MYCBP2: variants seen among roughly 807,000 people sequenced by gnomAD.
MYCBP2 encodes the protein MYC binding protein 2.
MYCBP2 carries 120 observed loss-of-function variants against 525.3 expected under a neutral mutation model. The ratio of observed to expected loss-of-function variants is 0.23; its 90% CI spans 0.20 to 0.27. MYCBP2 has a LOEUF of 0.27. MYCBP2 is among the 10% of genes least tolerant of loss of function. MYCBP2 has a pLI of 1.00. For missense variants in MYCBP2, 4,149 were observed against 5,657.1 expected, an observed-to-expected ratio of 0.73 and a Z score of 8.55; for synonymous variants, 1,894 against 1,955.8, an observed-to-expected ratio of 0.97 and a Z score of 0.83.
chr13:77,312,166 A>T (rs545075320), intron 1 of MYCBP2, among the ~76,000 whole-genome samples: 2 of 152,116 alleles, frequency 1.3e-5, no homozygotes, highest in Non-Finnish European at 2.9e-5. Flanking sequence ...TAGGAATGAA[A>T]GTAAAATAAA....
chr13:77,200,290 C>G (rs1184389050), intron 26 of MYCBP2, among the ~76,000 whole-genome samples: 3 of 152,064 alleles, frequency 2.0e-5, no homozygotes, highest in African/African-American at 7.2e-5. Flanking sequence ...GAAAGGGTAT[C>G]AGCGATGGAA....
chr13:77,198,571 A>G (rs1327059830), intron 26 of MYCBP2, among the ~76,000 whole-genome samples: 1 of 152,224 alleles, frequency 6.6e-6, no homozygotes, highest in African/African-American at 2.4e-5. Flanking sequence ...TTAGAGCAAA[A>G]TCAGGTAATT....
At chr13:77,260,397 T>C (rs746469200) in intron 13 of MYCBP2, 31 bp downstream of exon 13, 1 of 1,494,120 alleles carries the variant, frequency 6.7e-7, no homozygotes, top group Admixed American at 2.4e-5. Context: ...GAAACTTCTT[T>C]GCATAAAAGT....
chr13:77,059,416 C>A, intron 77 of MYCBP2, 107 bp downstream of exon 77: 1 of 827,618 alleles, frequency 1.2e-6, no homozygotes, highest in South Asian at 1.5e-5. Context: ...GTAATACACT[C>A]ATTTAGGAAG....
At chr13:77,160,065 CTTTTTT>C (rs34051925) in intron 44 of MYCBP2, among the ~76,000 whole-genome samples, 1 of 136,248 alleles carries the variant, frequency 7.3e-6, no homozygotes, top group Non-Finnish European at 1.6e-5. Flanking sequence ...AAATCACAAA[CTTTTTT>C]TTTTTTTTTT....
At chr13:77,071,258 CGT>C (rs1181107926) in intron 68 of MYCBP2, among the ~76,000 whole-genome samples, 12 of 135,212 alleles carry the variant, frequency 8.9e-5, no homozygotes, top group African/African-American at 3.3e-4. Flanking sequence ...TATGCATGCA[CGT>C]GTGTGCACAC....
intron 5 of MYCBP2, among the ~76,000 whole-genome samples, chr13:77,271,574 G>C (rs946941504): frequency 1.3e-5 from 2 of 152,118 alleles, no homozygotes; most frequent in African/African-American, 4.8e-5. Context: ...CTGGATCATG[G>C]GGGCAAGTCT....
At chr13:77,271,363 C>T (rs923349698) in intron 5 of MYCBP2, among the ~76,000 whole-genome samples, 4 of 152,152 alleles carry the variant, frequency 2.6e-5, no homozygotes, top group African/African-American at 9.7e-5. Flanking sequence ...TCTTTCAATA[C>T]AGCATCTTGC....
At chr13:77,071,960 C>T (rs1462997023) in intron 68 of MYCBP2, among the ~76,000 whole-genome samples, 1 of 151,980 alleles carries the variant, frequency 6.6e-6, no homozygotes, top group Non-Finnish European at 1.5e-5. Context: ...GGGAATTAAA[C>T]AAGGTGCTTC....
chr13:77,061,159 A>C lies in MYCBP2; in HGVS notation c.13036+10T>G, dbSNP rs1203599315. 1 of 1,598,990 alleles carries C rather than the reference A, an allele frequency of 6.3e-7. No individual in the cohort carries two copies. The highest frequency in any genetic ancestry group is 1.4e-5 in the African/African-American group (1 of 73,872). On this transcript the variant is annotated intron_variant, in intron 76 of 82. Coordinates refer to ENST00000544440, the MANE Select transcript of MYCBP2 (RefSeq NM_015057.5). ...TTTTAAAGGCATGGCTCAATCTTTA[A>C]ACCTTTTACCTGTGTGTTCTCGGAA...
At position 77,288,300 on chromosome 13, in the gene MYCBP2, C is replaced by T; in HGVS notation, c.455G>A (p.Cys152Tyr). The T allele has an allele frequency of 1.9e-6, 3 of 1,614,106 alleles. No individual in the cohort carries two copies. Among genetic ancestry groups the T allele is most frequent in the Non-Finnish European group, 2.5e-6 (3 of 1,179,996 alleles). The change falls in exon 3 of 83, where the codon TGT (cysteine) becomes TAT (tyrosine). Residue 152 changes from cysteine to tyrosine, a missense_variant. Transcript: ENST00000544440. ...HSNPSAFNIY[C>Y]NVRHCVLEWQ... ...TTCCAGAACGCAATGGCGTACATTA[C>T]AGTAAATATTGAAAGCAGAAGGATT...
chr13:77,109,652 T>C (rs1178976008), intron 55 of MYCBP2: 1 of 152,210 alleles, frequency 6.6e-6, no homozygotes, highest in Non-Finnish European at 1.5e-5. Context: ...TTGCAGTCTA[T>C]GTAAGATAAC....
chr13:77,073,760 AAT>A (rs2041800989), intron 68 of MYCBP2, among the ~76,000 whole-genome samples: 1 of 152,202 alleles, frequency 6.6e-6, no homozygotes, highest in African/African-American at 2.4e-5. Flanking sequence ...TGGAAAGTGA[AAT>A]AAAAAATACC....
chr13:77,068,644 T>C lies in MYCBP2; in HGVS notation c.12092A>G (p.Gln4031Arg). The C allele has an allele frequency of 6.2e-7, 1 of 1,614,178 alleles. No individual in the cohort carries two copies. The highest frequency in any genetic ancestry group is 8.5e-7 in the Non-Finnish European group (1 of 1,180,038). ...LALSGSNVGR[Q>R]YLAQQLTLLQ... ...CAGGGTTAGCTGTTGAGCCAGATAT[T>C]GCCGGCCAACGTTAGAGCCACTCAG... The change falls in exon 70 of 83, where the codon CAA becomes CGA. Residue 4031 changes from glutamine (Q) to arginine (R), a missense_variant. Gln to Arg is a conservative substitution (Grantham distance 43). Coordinates refer to ENST00000544440, the MANE Select transcript of MYCBP2 (RefSeq NM_015057.5).
chr13:77,189,895 C>T (rs2061132016), intron 29 of MYCBP2, among the ~76,000 whole-genome samples: 1 of 152,014 alleles, frequency 6.6e-6, no homozygotes. Flanking sequence ...TATAGTCCTC[C>T]CCATCTTCCC....
chr13:77,180,004 T>C (rs926986376), intron 34 of MYCBP2, 123 bp downstream of exon 34: 6 of 662,250 alleles, frequency 9.1e-6, no homozygotes, highest in East Asian at 2.8e-5. Context: ...AGAAAAACAA[T>C]GCATTGGGGT....
chr13:77,270,551 G>C lies in MYCBP2; in HGVS notation c.946-13C>G. The C allele has an allele frequency of 6.4e-7, 1 of 1,571,684 alleles. No homozygotes were observed. On this transcript the variant is annotated splice_polypyrimidine_tract_variant and intron_variant, in intron 5 of 82. Transcript: ENST00000544440. Reference sequence around the variant, plus strand: ...GAATTGTTGGCACCTAATCAAAAGAGAAGAAAAATAATGAAAAAACATTTT... The same window carrying C: ...GAATTGTTGGCACCTAATCAAAAGACAAGAAAAATAATGAAAAAACATTTT...
chr13:77,258,981 G>A (rs1346438324), intron 13 of MYCBP2, among the ~76,000 whole-genome samples: 1 of 152,160 alleles, frequency 6.6e-6, no homozygotes, highest in East Asian at 1.9e-4. Context: ...AGGGCCATGC[G>A]CGGTGGCTCA....
intron 29 of MYCBP2, 117 bp from the exon 30 acceptor site, chr13:77,189,164 C>T: frequency 1.6e-6 from 1 of 620,280 alleles, no homozygotes; most frequent in Non-Finnish European, 2.4e-6. Context: ...AATTTTTTTG[C>T]CAGGTAATGC....
Sources: allele counts gnomAD v4.1 joint callset (sites outside exome capture counted in the v4.1 genomes callset), GRCh38; gene constraint gnomAD v4.1.1; transcripts MANE v1.5; gene names NCBI Gene and HGNC (gene_info 2026-07-23, HGNC 2026-07-21).